FAM171A1: variants seen among roughly 807,000 people sequenced by gnomAD.
FAM171A1 encodes family with sequence similarity 171 member A1.
FAM171A1 carries 23 observed loss-of-function variants against 74.9 expected under a neutral mutation model. That is an observed-to-expected ratio of 0.31 (90% CI 0.22 to 0.44). The LOEUF (loss-of-function observed/expected upper bound fraction) is 0.44. Among genes scored for constraint, FAM171A1 ranks in the 20% least tolerant of loss-of-function variants. The pLI, the probability that FAM171A1 is intolerant of heterozygous loss-of-function variation, is 1.00. For missense variants in FAM171A1, 1,162 were observed against 1,159.2 expected (o/e 1.00, Z -0.03); for synonymous variants, 527 against 505.7 (o/e 1.04, Z -0.57).
chr10:15,301,335 C>A (rs1236805186), intron 1 of FAM171A1, among the ~76,000 whole-genome samples: 3 of 146,720 alleles, frequency 2.0e-5, no homozygotes, highest in African/African-American at 7.4e-5. Context: ...AACATGCCCA[C>A]ACGCCCAGCT....
chr10:15,366,136 T>C (rs1836058553), intron 1 of FAM171A1, among the ~76,000 whole-genome samples: 1 of 152,180 alleles, frequency 6.6e-6, no homozygotes, highest in South Asian at 2.1e-4. Flanking sequence ...ATTTATTTAT[T>C]TGAGATGGAG....
chr10:15,372,043 G>T (rs796689847), upstream of FAM171A1, among the ~76,000 whole-genome samples: 2 of 152,266 alleles, frequency 1.3e-5, no homozygotes, highest in African/African-American at 4.8e-5. Flanking sequence ...GACATCCCCT[G>T]GCAGGGCTGG....
At chr10:15,223,077 C>T (rs755544257) in intron 5 of FAM171A1, among the ~76,000 whole-genome samples, 54 of 152,186 alleles carry the variant, frequency 3.5e-4, no homozygotes, top group Admixed American at 2.0e-4. Flanking sequence ...TGGTGGCTCA[C>T]GCCTATAGTC....
chr10:15,344,032 A>C (rs1835793848), intron 1 of FAM171A1, among the ~76,000 whole-genome samples: 2 of 152,320 alleles, frequency 1.3e-5, no homozygotes, highest in Admixed American at 1.3e-4. Context: ...GGGATGGAAG[A>C]CTGGGTTGTC....
intron 1 of FAM171A1, among the ~76,000 whole-genome samples, chr10:15,287,898 C>T (rs1339358645): frequency 4.6e-5 from 7 of 152,162 alleles, no homozygotes; most frequent in Non-Finnish European, 1.0e-4. Context: ...AATGGGTAGT[C>T]TTTTATCCCT....
chr10:15,268,574 C>G (rs1179063222), intron 3 of FAM171A1, among the ~76,000 whole-genome samples: 1 of 151,908 alleles, frequency 6.6e-6, no homozygotes, highest in Non-Finnish European at 1.5e-5. Flanking sequence ...GGCCTCCAAG[C>G]AGAGGCGTCA....
At chr10:15,271,425 G>A (rs975698517) in intron 3 of FAM171A1, among the ~76,000 whole-genome samples, 6 of 152,220 alleles carry the variant, frequency 3.9e-5, no homozygotes, top group African/African-American at 7.2e-5. Flanking sequence ...ACCTGAAAGC[G>A]ACGGGGAGAA....
chr10:15,305,664 TAAA>T (rs59843893), intron 1 of FAM171A1, among the ~76,000 whole-genome samples: 1 of 52,938 alleles, frequency 1.9e-5, no homozygotes, highest in Non-Finnish European at 3.2e-5. Flanking sequence ...GAGATCTGGC[TAAA>T]AAAAAAAAAA....
intron 3 of FAM171A1, among the ~76,000 whole-genome samples, chr10:15,273,320 C>T (rs1298830996): frequency 6.6e-6 from 1 of 152,178 alleles, no homozygotes; most frequent in African/African-American, 2.4e-5. Flanking sequence ...TGGACACACA[C>T]ACCATCTCAA....
intron 1 of FAM171A1, among the ~76,000 whole-genome samples, chr10:15,294,314 C>T (rs1835135997): frequency 6.6e-6 from 1 of 152,204 alleles, no homozygotes; most frequent in Non-Finnish European, 1.5e-5. Context: ...TCTCCTTCCA[C>T]CGTGCACCTT....
chr10:15,258,249 T>A (rs1834608544), intron 3 of FAM171A1, among the ~76,000 whole-genome samples: 1 of 151,942 alleles, frequency 6.6e-6, no homozygotes, highest in African/African-American at 2.4e-5. Context: ...TTAGTAGATA[T>A]GAGGTTTCAT....
intron 5 of FAM171A1, among the ~76,000 whole-genome samples, chr10:15,224,103 G>A (rs2131719174): frequency 1.3e-5 from 2 of 152,226 alleles, no homozygotes; most frequent in South Asian, 4.1e-4. Context: ...GGGTCAGCTA[G>A]GAAACACCCA....
At chr10:15,277,367 G>C (rs1033972373) in intron 2 of FAM171A1, among the ~76,000 whole-genome samples, 19 of 152,042 alleles carry the variant, frequency 1.2e-4, no homozygotes, top group Admixed American at 6.6e-5. Flanking sequence ...ACAGGCACCT[G>C]CCACCATGCC....
chr10:15,358,621 C>T (rs1260255500), intron 1 of FAM171A1, among the ~76,000 whole-genome samples: 1 of 152,182 alleles, frequency 6.6e-6, no homozygotes, highest in African/African-American at 2.4e-5. Context: ...ATTGGACCTC[C>T]CTAAGAGCTC....
At chr10:15,241,236 A>T (rs1397341598) in intron 5 of FAM171A1, 1 of 152,248 alleles carries the variant, frequency 6.6e-6, no homozygotes, top group Admixed American at 6.5e-5. Context: ...GTCAGCTAAC[A>T]GGAAATATGG....
upstream of FAM171A1, among the ~76,000 whole-genome samples, chr10:15,374,416 C>CT (rs1836180384): frequency 6.6e-6 from 1 of 152,192 alleles, no homozygotes; most frequent in African/African-American, 2.4e-5. Flanking sequence ...CTACATCACT[C>CT]AAATTAACAT....
chr10:15,338,441 G>C (rs946272310), intron 1 of FAM171A1, among the ~76,000 whole-genome samples: 1 of 152,152 alleles, frequency 6.6e-6, no homozygotes, highest in African/African-American at 2.4e-5. Flanking sequence ...TTTTGCTTCT[G>C]CAGTTGTGGC....
At chr10:15,234,943 T>G (rs998545008) in intron 5 of FAM171A1, among the ~76,000 whole-genome samples, 5 of 152,186 alleles carry the variant, frequency 3.3e-5, no homozygotes, top group African/African-American at 9.6e-5. Context: ...ATTACAGGCG[T>G]GAGCCACCGT....
chr10:15,221,853 C>T (rs553175547), intron 5 of FAM171A1, among the ~76,000 whole-genome samples: 2 of 152,228 alleles, frequency 1.3e-5, no homozygotes, highest in Admixed American at 1.3e-4. Context: ...CAAGGCTGTG[C>T]TATTTCTTCT....
Sources: allele counts gnomAD v4.1 joint callset (sites outside exome capture counted in the v4.1 genomes callset), GRCh38; gene constraint gnomAD v4.1.1; transcripts MANE v1.5; gene names NCBI Gene and HGNC (gene_info 2026-07-23, HGNC 2026-07-21).